Variants in NCAM2 observed in about 807,000 individuals in gnomAD.
NCAM2 encodes neural cell adhesion molecule 2, also known as N-CAM-2.
In NCAM2, 30 loss-of-function variants were observed where a neutral mutation model predicts 98.1. That is an observed-to-expected ratio of 0.31 (90% CI 0.23 to 0.41). The LOEUF (loss-of-function observed/expected upper bound fraction) is 0.41. Among genes scored for constraint, NCAM2 ranks in the 10% least tolerant of loss-of-function variants. The pLI is 1.00. For synonymous variants in NCAM2, 368 were observed against 342.4 expected, an observed-to-expected ratio of 1.07 and a Z score of -0.83; for missense variants, 867 against 1,005.8, an observed-to-expected ratio of 0.86 and a Z score of 1.87.
At chr21:21,520,373 C>T (rs2146386559) in intron 16 of NCAM2, among the ~76,000 whole-genome samples, 1 of 152,064 alleles carries the variant, frequency 6.6e-6, no homozygotes, top group Non-Finnish European at 1.5e-5. Context: ...AGAACTAAAG[C>T]ATAAGGAAGA....
chr21:21,485,033 TAA>T (rs1322769726), intron 15 of NCAM2, among the ~76,000 whole-genome samples: 1 of 152,146 alleles, frequency 6.6e-6, no homozygotes, highest in Non-Finnish European at 1.5e-5. Context: ...CTTTTAAGTA[TAA>T]GTTTCCAACT....
rs1323883024 is a variant in NCAM2, at chr21:21,403,760, A to G, written c.1196-6514A>G. ...AAGTGAAGGTAGAATAAATGTACAAATAGGTAAATATTAGTTTGAAATCAA... is the reference window on the plus strand; with the variant it reads ...AAGTGAAGGTAGAATAAATGTACAAGTAGGTAAATATTAGTTTGAAATCAA... On this transcript the variant is annotated intron_variant, in intron 9 of 17. Coordinates refer to ENST00000400546, the MANE Select transcript of NCAM2 (RefSeq NM_004540.5). Among the ~76,000 whole-genome samples, 5 of 152,196 alleles carry G rather than the reference A, an allele frequency of 3.3e-5. No homozygotes were observed. In the East Asian group the frequency reaches 9.6e-4, roughly 29 times the overall value.
At chr21:21,205,426 ATAT>A (rs2069402593) in intron 1 of NCAM2, among the ~76,000 whole-genome samples, 1 of 152,092 alleles carries the variant, frequency 6.6e-6, no homozygotes, top group East Asian at 1.9e-4. Context: ...ATTCTGATGT[ATAT>A]TATCTTTGTT....
At chr21:21,106,227 G>C (rs2146507851) in intron 1 of NCAM2, among the ~76,000 whole-genome samples, 1 of 149,270 alleles carries the variant, frequency 6.7e-6, no homozygotes, top group Middle Eastern at 3.4e-3. Context: ...AAGATCACCT[G>C]AGCCCAGGTG....
rs17794864 is a variant in NCAM2, at chr21:21,199,783, C to T, written c.56-80795C>T. Among the ~76,000 whole-genome samples the T allele has an allele frequency of 9.7e-4, 148 of 152,148 alleles. 1 individual carries two copies. In the East Asian group the frequency reaches 0.026, roughly 27 times the overall value. ...CTTTATTAATGGAAGTTTTGTTGTCCTGTTCTATAATCGTATGGCATTCTT... is the reference window on the plus strand; with the variant it reads ...CTTTATTAATGGAAGTTTTGTTGTCTTGTTCTATAATCGTATGGCATTCTT... On this transcript the variant is annotated intron_variant, in intron 1 of 17. Transcript: ENST00000400546.
chr21:21,534,917 T>C (rs1989903088), intron 17 of NCAM2, among the ~76,000 whole-genome samples: 2 of 152,238 alleles, frequency 1.3e-5, no homozygotes, highest in Non-Finnish European at 2.9e-5. Context: ...GGTAAGTATC[T>C]TACAGAGTTT....
intron 8 of NCAM2, among the ~76,000 whole-genome samples, chr21:21,340,161 T>C (rs998373759): frequency 6.6e-6 from 1 of 151,904 alleles, no homozygotes; most frequent in Non-Finnish European, 1.5e-5. Context: ...TTAGATTAGA[T>C]CACTCAAAAG....
At chr21:21,219,226 A>G (rs995109407) in intron 1 of NCAM2, among the ~76,000 whole-genome samples, 3 of 152,120 alleles carry the variant, frequency 2.0e-5, no homozygotes, top group African/African-American at 7.2e-5. Context: ...GGCCCAAGAC[A>G]TTTCTTCTGA....
intron 1 of NCAM2, among the ~76,000 whole-genome samples, chr21:21,095,237 A>G (rs990262193): frequency 6.6e-6 from 1 of 151,706 alleles, no homozygotes; most frequent in Non-Finnish European, 1.5e-5. Context: ...TCATTTGTGG[A>G]CACATTTTCA....
chr21:21,488,764 C>T (rs1188894591), intron 15 of NCAM2, among the ~76,000 whole-genome samples: 1 of 151,624 alleles, frequency 6.6e-6, no homozygotes, highest in East Asian at 1.9e-4. Flanking sequence ...ATGATCAATT[C>T]TGGTATTAAA....
intron 1 of NCAM2, among the ~76,000 whole-genome samples, chr21:21,091,114 A>T (rs538565803): frequency 1.3e-5 from 2 of 152,260 alleles, no homozygotes; most frequent in African/African-American, 4.8e-5. Context: ...TGCTTGGCAC[A>T]TACATAATTG....
intron 16 of NCAM2, among the ~76,000 whole-genome samples, chr21:21,527,958 G>T (rs1989418403): frequency 6.6e-6 from 1 of 152,216 alleles, no homozygotes; most frequent in Admixed American, 6.5e-5. Flanking sequence ...ACATCCTTCA[G>T]TAGGTAAATG....
chr21:21,294,746 G>GA (rs2073414653), intron 5 of NCAM2, among the ~76,000 whole-genome samples: 1 of 151,538 alleles, frequency 6.6e-6, no homozygotes, highest in African/African-American at 2.4e-5. Flanking sequence ...CCTTAAGACA[G>GA]AAAAATCATT....
intron 1 of NCAM2, among the ~76,000 whole-genome samples, chr21:21,242,142 T>G (rs2071087740): frequency 1.9e-5 from 1 of 52,374 alleles, no homozygotes; most frequent in African/African-American, 7.8e-5. Flanking sequence ...TGTTTACCAG[T>G]TCTTTGTTAC....
chr21:21,219,215 C>T (rs891468932), intron 1 of NCAM2, among the ~76,000 whole-genome samples: 4 of 152,002 alleles, frequency 2.6e-5, no homozygotes, highest in East Asian at 3.9e-4. Flanking sequence ...ATTTTATGTG[C>T]GGCCCAAGAC....
At chr21:21,182,284 A>G (rs550356116) in intron 1 of NCAM2, among the ~76,000 whole-genome samples, 2 of 152,304 alleles carry the variant, frequency 1.3e-5, no homozygotes, top group South Asian at 4.1e-4. Context: ...AAATTCCACA[A>G]GAGCAGTTGG....
chr21:21,453,653 A>G (rs1053675038), intron 12 of NCAM2, among the ~76,000 whole-genome samples: 7 of 152,132 alleles, frequency 4.6e-5, no homozygotes, highest in Non-Finnish European at 8.8e-5. Context: ...TTTTGGGGTT[A>G]GAAAAGTAAA....
At chr21:21,192,308 T>G (rs2068849736) in intron 1 of NCAM2, among the ~76,000 whole-genome samples, 1 of 151,790 alleles carries the variant, frequency 6.6e-6, no homozygotes, top group South Asian at 2.1e-4. Flanking sequence ...GAAAAGCAAT[T>G]TAGATGGATG....
chr21:21,329,915 T>C lies in NCAM2; in HGVS notation c.737+5415T>C, dbSNP rs116514405. On this transcript the variant is annotated intron_variant, in intron 6 of 17. Transcript: ENST00000400546. The stretch of plus-strand genomic sequence containing the variant: ...AATTCCAGGAATTTGTCCATTTCTT[T>C]TAAATGGTATTTACTGGCATTGTCA... Among the ~76,000 whole-genome samples, 773 of 152,274 alleles carry C rather than the reference T, an allele frequency of 5.1e-3. 6 individuals carry two copies. The highest frequency in any genetic ancestry group is 0.018 in the African/African-American group (739 of 41,580).
Sources: gnomAD v4.1 joint callset for allele counts (sites outside exome capture counted in the v4.1 genomes callset) on GRCh38, gnomAD v4.1.1 for gene constraint, MANE v1.5 for transcripts, NCBI Gene and HGNC (gene_info 2026-07-23, HGNC 2026-07-21) for gene names.